Variants in PPM1F observed in about 807,000 individuals in gnomAD.
The protein encoded by PPM1F is protein phosphatase, Mg2+/Mn2+ dependent 1F.
A neutral mutation model predicts 35.5 loss-of-function variants in PPM1F; 17 were observed. That is an observed-to-expected ratio of 0.48 (90% CI 0.33 to 0.72). PPM1F has a LOEUF of 0.72. PPM1F is among the 30% of genes least tolerant of loss of function. The pLI is 0.02. For missense variants in PPM1F, 521 were observed against 613.0 expected (o/e 0.85, Z 1.59); for synonymous variants, 241 against 255.5 (o/e 0.94, Z 0.54).
At chr22:21,948,878 C>T (rs993187261) in intron 1 of PPM1F, 7 of 152,430 alleles carry the variant, frequency 4.6e-5, no homozygotes, top group Non-Finnish European at 1.0e-4. Flanking sequence ...TCACTTCCAC[C>T]CCATTTGCTG....
intron 7 of PPM1F, among the ~76,000 whole-genome samples, chr22:21,924,587 T>C (rs896218385): frequency 2.1e-5 from 3 of 144,636 alleles, no homozygotes; most frequent in African/African-American, 7.7e-5. Flanking sequence ...TTTTTTTTTT[T>C]TGAGACACAG....
chr22:21,928,887 C>T (rs58577080), intron 6 of PPM1F, among the ~76,000 whole-genome samples: 1,554 of 152,314 alleles, frequency 0.01, 20 homozygotes, highest in African/African-American at 0.035. Context: ...TCCTGCTCCC[C>T]CATTAGACTT....
rs551568535 is a variant in PPM1F at position 21,937,753 on chromosome 22, A to G, written c.355+1779T>C. 15 of 174,006 alleles carry G rather than the reference A, an allele frequency of 8.6e-5. No individual in the cohort carries two copies. The South Asian group carries it at 1.3e-3, about 16-fold the overall frequency. The allele number at this position is 174,006 out of a possible 1,614,324, so 10.8% of individuals were successfully genotyped here. A position where few individuals can be genotyped will look rare whatever the true frequency, so the allele number is the denominator to read the frequency against. Reference sequence around the variant, plus strand: ...GCCCCGGGTGCTACTGCTATTTCCAACAGCCGCTTAGCCTAGACTCTGCTC... The same window carrying G: ...GCCCCGGGTGCTACTGCTATTTCCAGCAGCCGCTTAGCCTAGACTCTGCTC... On this transcript the variant is annotated intron_variant, in intron 3 of 7. Transcript: ENST00000263212.
Position 21,923,339 on chromosome 22 carries a change from C to T in PPM1F, c.1118G>A (p.Gly373Asp). The T allele has an allele frequency of 3.1e-6, 5 of 1,613,746 alleles. No individual in the cohort carries two copies. Among genetic ancestry groups the T allele is most frequent in the Non-Finnish European group, 4.2e-6 (5 of 1,179,972 alleles). The change falls in exon 8 of 8, where the codon GGC becomes GAC. Residue 373 changes from glycine (G) to aspartate (D), a missense_variant. Gly to Asp is a moderately conservative substitution (Grantham distance 94). This residue lies in a region of PPM1F where 163 missense variants were observed against 169.6 expected (regional missense o/e 0.96). Coordinates refer to ENST00000263212, the MANE Select transcript of PPM1F (RefSeq NM_014634.4). ...FDVVPHQEVV[G>D]LVQSHLTRQQ... ...CCTGGTCAGGTGGCTCTGGACCAGG[C>T]CAACAACTTCCTGGTGGGGTACGAC...
chr22:21,945,577 CTT>C, intron 2 of PPM1F: 2 of 490,870 alleles, frequency 4.1e-6, no homozygotes, highest in Middle Eastern at 5.4e-4. Context: ...TCCCTGCAGC[CTT>C]TGAGAGAGCA....
chr22:21,947,789 C>T (rs923053465), intron 1 of PPM1F: 3 of 152,154 alleles, frequency 2.0e-5, no homozygotes, highest in African/African-American at 4.8e-5. Context: ...GCAGGGAGCT[C>T]ACAGCCCACA....
intron 7 of PPM1F, among the ~76,000 whole-genome samples, chr22:21,923,781 G>A (rs910495194): frequency 6.6e-6 from 1 of 151,664 alleles, no homozygotes; most frequent in African/African-American, 2.4e-5. Flanking sequence ...GGGTTCAAGC[G>A]ATTCCCCTGC....
chr22:21,925,597 G>A lies in PPM1F; in HGVS notation c.957C>T (p.Asn319=), dbSNP rs150895992. ...TGGCTCTGGAGACGGCCAGGGTCCC[G>A]TTGACTCTCCAGCAGTCCATGTGAG... ...FVSHMDCWRV[N]GTLAVSRAIG... The change falls in exon 7 of 8, where the codon AAC becomes AAT. Residue 319 remains asparagine (N), a synonymous_variant. Transcript: ENST00000263212. 36 of 1,613,298 alleles carry A rather than the reference G, an allele frequency of 2.2e-5. No individual in the cohort carries two copies. In the African/African-American group the frequency reaches 3.6e-4, roughly 16 times the overall value.
chr22:21,930,828 A>C (rs923754973), intron 6 of PPM1F, among the ~76,000 whole-genome samples: 2 of 151,984 alleles, frequency 1.3e-5, no homozygotes, highest in Non-Finnish European at 2.9e-5. Flanking sequence ...TTCCTCACCC[A>C]CAGCCTGTGG....
At chr22:21,934,285 G>T (rs77738242) in intron 3 of PPM1F, 59 bp from the exon 4 acceptor site, 7 of 1,441,082 alleles carry the variant, frequency 4.9e-6, no homozygotes, top group Non-Finnish European at 5.7e-6. Context: ...CTGAGGCCTC[G>T]CTGGCTCCCT....
At chr22:21,927,115 A>G (rs1326532872) in intron 6 of PPM1F, among the ~76,000 whole-genome samples, 1 of 152,216 alleles carries the variant, frequency 6.6e-6, no homozygotes. Flanking sequence ...GGGCAGGAAC[A>G]GGGACCTCAA....
intron 1 of PPM1F, chr22:21,947,410 C>G (rs925564247): frequency 2.6e-5 from 4 of 152,256 alleles, no homozygotes; most frequent in Non-Finnish European, 5.9e-5. Flanking sequence ...GTCTAACACT[C>G]AGGCTGGGAA....
intron 3 of PPM1F, chr22:21,938,057 G>A (rs1306325384): frequency 1.6e-6 from 2 of 1,246,198 alleles, no homozygotes; most frequent in Admixed American, 5.1e-5. Context: ...AGGCCGCTAG[G>A]CAGGCCTGCA....
intron 1 of PPM1F, chr22:21,949,658 A>G: frequency 6.6e-6 from 1 of 152,418 alleles, no homozygotes; most frequent in Non-Finnish European, 1.5e-5. Context: ...CACCAGTGAA[A>G]AACTCCGAAT....
intron 1 of PPM1F, chr22:21,946,579 G>C (rs1476656270): frequency 6.5e-6 from 1 of 153,132 alleles, no homozygotes; most frequent in Non-Finnish European, 1.5e-5. Context: ...TGGTGTTCAG[G>C]GGAGGAAAGA....
At chr22:21,928,679 C>A (rs1460902208) in intron 6 of PPM1F, among the ~76,000 whole-genome samples, 2 of 152,178 alleles carry the variant, frequency 1.3e-5, no homozygotes, top group African/African-American at 4.8e-5. Context: ...ACCTCTAGGG[C>A]TCAAGCCATC....
At position 21,939,388 on chromosome 22, in the gene PPM1F, T is replaced by G; in HGVS notation, c.355+144A>C. The G allele has an allele frequency of 8.9e-7, 1 of 1,125,846 alleles. No homozygotes were observed. Among genetic ancestry groups the G allele is most frequent in the Admixed American group, 2.6e-5 (1 of 38,510 alleles). The allele number at this position is 1,125,846 out of a possible 1,614,324, so 69.7% of individuals were successfully genotyped here. A position where few individuals can be genotyped will look rare whatever the true frequency, so the allele number is the denominator to read the frequency against. ...CTCCACCTCACTGGGGCCGCAAGCCTTCTCTGCTCCTTGATTCTGCTGCCG... is the reference window on the plus strand; with the variant it reads ...CTCCACCTCACTGGGGCCGCAAGCCGTCTCTGCTCCTTGATTCTGCTGCCG... On this transcript the variant is annotated intron_variant, in intron 3 of 7. Transcript: ENST00000263212. This position sits in a 1 kb window ranked among gnomAD's most constrained non-coding sequence, Gnocchi z 5.1.
intron 4 of PPM1F, 75 bp downstream of exon 4, chr22:21,933,949 C>T (rs2070626664): frequency 7.1e-7 from 1 of 1,406,228 alleles, no homozygotes; most frequent in Non-Finnish European, 9.6e-7. Flanking sequence ...GGCAGCTCTT[C>T]TCGGTACCTG....
chr22:21,946,467 C>T (rs774384146), intron 1 of PPM1F: 21 of 158,552 alleles, frequency 1.3e-4, no homozygotes, highest in Non-Finnish European at 2.6e-4. Flanking sequence ...TCACGGGTCC[C>T]GAGCAGCCAG....
Sources: allele counts gnomAD v4.1 joint callset (sites outside exome capture counted in the v4.1 genomes callset), GRCh38; gene constraint gnomAD v4.1.1; regional missense constraint gnomAD v4.1.1; non-coding constraint Gnocchi (gnomAD v3.1); transcripts MANE v1.5; gene names NCBI Gene and HGNC (gene_info 2026-07-23, HGNC 2026-07-21).